PIGF: variants seen among roughly 807,000 people sequenced by gnomAD.
PIGF encodes GPI ethanolamine phosphate transferase, stabilizing subunit.
Under a neutral mutation model 26.0 loss-of-function variants are expected in PIGF, and 23 were observed. That is an observed-to-expected ratio of 0.88 (90% CI 0.64 to 1.25). The LOEUF is 1.25. Among genes scored for constraint, PIGF ranks in the 50% most tolerant of loss-of-function variants. PIGF has a pLI of 0.00. For missense variants in PIGF, 278 were observed against 249.9 expected, an observed-to-expected ratio of 1.11 and a Z score of -0.76; for synonymous variants, 93 against 92.6, an observed-to-expected ratio of 1.00 and a Z score of -0.03.
chr2:46,601,327 T>G (rs1393921595), intron 4 of PIGF, among the ~76,000 whole-genome samples: 1 of 152,092 alleles, frequency 6.6e-6, no homozygotes, highest in African/African-American at 2.4e-5. Flanking sequence ...TCCAACTATT[T>G]GTCCAAATTA....
chr2:46,611,266 T>C (rs528157922), intron 4 of PIGF, among the ~76,000 whole-genome samples: 1 of 151,924 alleles, frequency 6.6e-6, no homozygotes, highest in South Asian at 2.1e-4. Context: ...GGCGGGCGGA[T>C]CATGAGGTCG....
intron 4 of PIGF, among the ~76,000 whole-genome samples, chr2:46,594,838 C>T (rs1669831616): frequency 8.1e-6 from 1 of 124,006 alleles, no homozygotes; most frequent in Non-Finnish European, 1.7e-5. Flanking sequence ...CCGGCCCTCA[C>T]CGTTTTTTTT....
chr2:46,608,567 G>A (rs1670296626), intron 4 of PIGF, among the ~76,000 whole-genome samples: 1 of 152,140 alleles, frequency 6.6e-6, no homozygotes, highest in African/African-American at 2.4e-5. Context: ...ATCCATCAGA[G>A]GAATCACTAT....
At chr2:46,587,162 A>G (rs1669605133) in intron 5 of PIGF, among the ~76,000 whole-genome samples, 1 of 152,186 alleles carries the variant, frequency 6.6e-6, no homozygotes, top group Admixed American at 6.5e-5. Context: ...AAACATACAA[A>G]CCATATTCAT....
chr2:46,592,069 T>C (rs1477096225), intron 5 of PIGF: 1 of 904,346 alleles, frequency 1.1e-6, no homozygotes, highest in Non-Finnish European at 1.5e-6. Flanking sequence ...ATTCCTATAC[T>C]GGCTGGGCTC....
chr2:46,585,170 A>G (rs539609941), intron 5 of PIGF, among the ~76,000 whole-genome samples: 4 of 152,350 alleles, frequency 2.6e-5, no homozygotes, highest in South Asian at 4.1e-4. Context: ...ATGGCTTTAT[A>G]TAATTATTTT....
chr2:46,599,844 G>A (rs1423961560), intron 4 of PIGF, among the ~76,000 whole-genome samples: 2 of 151,912 alleles, frequency 1.3e-5, no homozygotes, highest in African/African-American at 4.8e-5. Context: ...CATTTTTAGG[G>A]TTGTCATGCC....
At chr2:46,611,669 A>G (rs1039271606) in intron 4 of PIGF, among the ~76,000 whole-genome samples, 1 of 152,232 alleles carries the variant, frequency 6.6e-6, no homozygotes, top group Non-Finnish European at 1.5e-5. Flanking sequence ...TATCATTTAA[A>G]TGACTTTCAA....
intron 4 of PIGF, among the ~76,000 whole-genome samples, chr2:46,598,303 C>A (rs932902259): frequency 6.6e-6 from 1 of 151,050 alleles, no homozygotes; most frequent in Non-Finnish European, 1.5e-5. Context: ...TTGTTGTTTT[C>A]ATTTCTGGAT....
chr2:46,584,613 G>T (rs947454077), intron 5 of PIGF, among the ~76,000 whole-genome samples: 1 of 152,102 alleles, frequency 6.6e-6, no homozygotes, highest in African/African-American at 2.4e-5. Flanking sequence ...GGAACACTTG[G>T]TTATTCATGT....
chr2:46,609,706 G>C (rs1670344560), intron 4 of PIGF, among the ~76,000 whole-genome samples: 1 of 152,058 alleles, frequency 6.6e-6, no homozygotes, highest in Admixed American at 6.5e-5. Context: ...AGAGAGGGAG[G>C]GTGGGGAAGG....
intron 4 of PIGF, among the ~76,000 whole-genome samples, chr2:46,603,688 C>T (rs1670130283): frequency 6.6e-6 from 1 of 151,940 alleles, no homozygotes; most frequent in Admixed American, 6.6e-5. Context: ...CTAACTCTCG[C>T]CATATACAAA....
chr2:46,584,969 G>C (rs1199776134), intron 5 of PIGF, among the ~76,000 whole-genome samples: 1 of 152,048 alleles, frequency 6.6e-6, no homozygotes, highest in East Asian at 1.9e-4. Flanking sequence ...GTAAATCCTA[G>C]CTTAATCAGG....
Position 46,615,190 on chromosome 2 carries a change from C to CA in PIGF, c.-21-6dup, listed in dbSNP as rs752902420. The CA allele has an allele frequency of 6.2e-6, 7 of 1,128,152 alleles. No homozygotes were observed. The highest frequency in any genetic ancestry group is 2.6e-5 in the South Asian group (2 of 76,178). 69.9% of individuals were successfully genotyped at this position (1,128,152 alleles called of 1,614,324 possible). A position where few individuals can be genotyped will look rare whatever the true frequency, so the allele number is the denominator to read the frequency against. On this transcript the variant is annotated splice_polypyrimidine_tract_variant and splice_region_variant and intron_variant, in intron 1 of 5. Coordinates refer to ENST00000281382, the MANE Select transcript of PIGF (RefSeq NM_002643.4). The stretch of plus-strand genomic sequence containing the variant: ...GGTGTTTTCTTGGATGGCTAGCTAA[C>CA]AAAAAACAAGAAAAGAAGAGCATAT...
chr2:46,615,390 T>A (rs574515162), intron 1 of PIGF: 3 of 391,886 alleles, frequency 7.7e-6, no homozygotes, highest in Non-Finnish European at 1.4e-5. Context: ...GGTACAAACA[T>A]CTCTCAGAGC....
At chr2:46,603,892 A>G (rs1363842957) in intron 4 of PIGF, among the ~76,000 whole-genome samples, 4 of 152,142 alleles carry the variant, frequency 2.6e-5, no homozygotes, top group Non-Finnish European at 5.9e-5. Context: ...CTGTACAGCA[A>G]AAGAAACAAT....
At chr2:46,607,474 T>G (rs574730867) in intron 4 of PIGF, among the ~76,000 whole-genome samples, 2 of 152,224 alleles carry the variant, frequency 1.3e-5, no homozygotes, top group Non-Finnish European at 2.9e-5. Flanking sequence ...GGTTTCCCAG[T>G]GCATATAAAA....
chr2:46,588,160 C>T lies in PIGF; in HGVS notation c.546+4315G>A, dbSNP rs372568734. Reference sequence around the variant, plus strand: ...TACATGGAGAGATCTATAAGTGCTACGTTTTCTTTCTACTGTCATCTGAAA... The same window carrying T: ...TACATGGAGAGATCTATAAGTGCTATGTTTTCTTTCTACTGTCATCTGAAA... On this transcript the variant is annotated intron_variant, in intron 5 of 5. Coordinates refer to ENST00000281382, the MANE Select transcript of PIGF (RefSeq NM_002643.4). This position sits in a 1 kb window ranked among gnomAD's most constrained non-coding sequence, Gnocchi z 4.1. The T allele has an allele frequency of 6.0e-5, 97 of 1,612,442 alleles. No homozygotes were observed. The highest frequency in any genetic ancestry group is 7.0e-5 in the Non-Finnish European group (82 of 1,179,306).
Position 46,589,830 on chromosome 2 carries a change from CAA to C in PIGF, c.546+2643_546+2644del, listed in dbSNP as rs1327590158. 6.6e-6 allele frequency among the ~76,000 whole-genome samples: 1 copy of C among 151,038 alleles called. No individual in the cohort carries two copies. The highest frequency in any genetic ancestry group is 1.5e-5 in the Non-Finnish European group (1 of 67,654). On this transcript the variant is annotated intron_variant, in intron 5 of 5. Coordinates refer to ENST00000281382, the MANE Select transcript of PIGF (RefSeq NM_002643.4). The surrounding 1 kb of genome is among the most constrained non-coding windows in gnomAD (Gnocchi z 4.7). ...TGGAGTTAGAATTATTAAAAAATAACAATAACAAAAAAACAAACAACCTTGTT... is the reference window on the plus strand; with the variant it reads ...TGGAGTTAGAATTATTAAAAAATAACTAACAAAAAAACAAACAACCTTGTT...
Sources: allele counts gnomAD v4.1 joint callset (sites outside exome capture counted in the v4.1 genomes callset), GRCh38; gene constraint gnomAD v4.1.1; non-coding constraint Gnocchi (gnomAD v3.1); transcripts MANE v1.5; gene names NCBI Gene and HGNC (gene_info 2026-07-23, HGNC 2026-07-21).